The following FMNL2 variants were observed in gnomAD, a reference collection of about 807,000 sequenced individuals.
FMNL2 encodes the protein formin-like protein 2.
FMNL2 carries 51 observed loss-of-function variants against 130.2 expected under a neutral mutation model. That is an observed-to-expected ratio of 0.39 (90% CI 0.31 to 0.49). The LOEUF is 0.49. FMNL2 is among the 20% of genes least tolerant of loss of function. FMNL2 has a pLI of 0.85. For missense variants in FMNL2, 977 were observed against 1,316.2 expected (o/e 0.74, Z 3.99); for synonymous variants, 465 against 467.1 (o/e 1.00, Z 0.06).
chr2:152,509,544 G>A (rs1027313758), intron 1 of FMNL2, among the ~76,000 whole-genome samples: 27 of 151,720 alleles, frequency 1.8e-4, no homozygotes, highest in Non-Finnish European at 2.6e-4. Context: ...CAACCAATAC[G>A]GTCACATTTG....
rs1437961072 is a variant in FMNL2, at chr2:152,478,248, A to AT, written c.118-43694dup. The stretch of plus-strand genomic sequence containing the variant: ...TATATACATATATATATATATATAT[A>AT]TATTTTTTTTTTTTTTTTTTGAGAC... On this transcript the variant is annotated intron_variant, in intron 1 of 25. Transcript: ENST00000288670. 5.6e-3 allele frequency among the ~76,000 whole-genome samples: 424 copies of AT among 75,682 alleles called. 3 individuals carry two copies. Among genetic ancestry groups the AT allele is most frequent in the Non-Finnish European group, 8.7e-3 (312 of 35,668 alleles). The allele number at this position is 75,682 out of a possible 152,430, so 49.7% of individuals were successfully genotyped here.
intron 1 of FMNL2, among the ~76,000 whole-genome samples, chr2:152,359,674 T>G (rs139870547): frequency 2.2e-3 from 337 of 152,244 alleles, no homozygotes; most frequent in African/African-American, 7.8e-3. Context: ...ATTCTTAGTA[T>G]CCCTGTGTTT....
chr2:152,619,402 G>T (rs1369698020), intron 14 of FMNL2, 107 bp from the exon 15 acceptor site: 20 of 1,498,762 alleles, frequency 1.3e-5, no homozygotes, highest in Non-Finnish European at 1.7e-5. Flanking sequence ...ACAGTCCTTT[G>T]TCCTTTTAAG....
intron 1 of FMNL2, among the ~76,000 whole-genome samples, chr2:152,365,942 T>C (rs1381876125): frequency 6.6e-6 from 1 of 152,140 alleles, no homozygotes; most frequent in East Asian, 1.9e-4. Context: ...CTCCTGAGAT[T>C]CTTATGAAAA....
intron 25 of FMNL2, chr2:152,643,373 T>C: frequency 6.5e-7 from 1 of 1,535,186 alleles, no homozygotes. Flanking sequence ...ATCTTGGCTT[T>C]TTATTCTCTT....
At chr2:152,431,686 G>C (rs1687498981) in intron 1 of FMNL2, among the ~76,000 whole-genome samples, 1 of 152,076 alleles carries the variant, frequency 6.6e-6, no homozygotes, top group South Asian at 2.1e-4. Flanking sequence ...TGAAATCTGA[G>C]CCCAGTGTGA....
At chr2:152,447,671 C>T (rs1354806854) in intron 1 of FMNL2, among the ~76,000 whole-genome samples, 2 of 152,118 alleles carry the variant, frequency 1.3e-5, no homozygotes, top group Non-Finnish European at 2.9e-5. Flanking sequence ...CCTTCACCCC[C>T]TAGTGCAATC....
chr2:152,583,922 C>G (rs1696923892), intron 9 of FMNL2, among the ~76,000 whole-genome samples: 1 of 152,186 alleles, frequency 6.6e-6, no homozygotes, highest in South Asian at 2.1e-4. Context: ...TCCTAATAGC[C>G]ATGGGAATGA....
At chr2:152,335,741 G>A (rs762448833) in intron 1 of FMNL2, 21 bp downstream of exon 1, 1 of 1,545,518 alleles carries the variant, frequency 6.5e-7, no homozygotes, top group Admixed American at 1.9e-5. Flanking sequence ...GGCGGCGGTC[G>A]GGCGCGGGGA....
intron 1 of FMNL2, among the ~76,000 whole-genome samples, chr2:152,356,352 G>C (rs1682780084): frequency 1.3e-5 from 2 of 152,086 alleles, no homozygotes; most frequent in Non-Finnish European, 2.9e-5. Context: ...TCGAACTCCT[G>C]ACCTCAAGTG....
chr2:152,404,504 T>TAA (rs2105975045), intron 1 of FMNL2, among the ~76,000 whole-genome samples: 1 of 152,274 alleles, frequency 6.6e-6, no homozygotes, highest in Admixed American at 6.5e-5. Context: ...CGTAATGGGG[T>TAA]GTTTGTGTCA....
chr2:152,560,773 T>C, intron 5 of FMNL2, 110 bp from the exon 6 acceptor site: 1 of 986,866 alleles, frequency 1.0e-6, no homozygotes, highest in Non-Finnish European at 1.4e-6. Context: ...TTACAAAGAC[T>C]TTCCATACTA....
chr2:152,551,886 C>T (rs775943698), intron 4 of FMNL2, among the ~76,000 whole-genome samples: 1 of 152,132 alleles, frequency 6.6e-6, no homozygotes, highest in Admixed American at 6.6e-5. Flanking sequence ...CACAATGTCA[C>T]GTACCTGTAA....
At chr2:152,400,992 A>G in intron 1 of FMNL2, among the ~76,000 whole-genome samples, 1 of 152,250 alleles carries the variant, frequency 6.6e-6, no homozygotes, top group East Asian at 1.9e-4. Context: ...TTTGGCTGCA[A>G]GGAGTATGTG....
At chr2:152,527,894 G>A (rs1406243384) in intron 2 of FMNL2, among the ~76,000 whole-genome samples, 1 of 152,024 alleles carries the variant, frequency 6.6e-6, no homozygotes, top group Non-Finnish European at 1.5e-5. Context: ...TTTCTCCAAT[G>A]ATCCCTTTTC....
rs1698693561 is a variant in FMNL2, at chr2:152,611,714, T to C, written c.1062+109T>C. Reference sequence around the variant, plus strand: ...AAAGAATGCCTAAAGCTCTATGCAGTCAACTACTGTAGTGCTAGTTAAAGG... The same window carrying C: ...AAAGAATGCCTAAAGCTCTATGCAGCCAACTACTGTAGTGCTAGTTAAAGG... On this transcript the variant is annotated intron_variant, in intron 11 of 25. Transcript: ENST00000288670. The C allele has an allele frequency of 5.8e-6, 4 of 684,082 alleles. No homozygotes were observed. The East Asian group carries it at 1.1e-4, about 19-fold the overall frequency. 42.4% of individuals were successfully genotyped at this position (684,082 alleles called of 1,614,324 possible).
chr2:152,479,473 A>G (rs1326043155), intron 1 of FMNL2, among the ~76,000 whole-genome samples: 1 of 152,074 alleles, frequency 6.6e-6, no homozygotes, highest in Non-Finnish European at 1.5e-5. Flanking sequence ...TAAATCCTAC[A>G]TGTGCTTCAA....
At chr2:152,357,055 A>G (rs1455713376) in intron 1 of FMNL2, among the ~76,000 whole-genome samples, 1 of 144,740 alleles carries the variant, frequency 6.9e-6, no homozygotes, top group East Asian at 2.0e-4. Flanking sequence ...TATCACGATA[A>G]ATATTACATA....
At chr2:152,627,423 A>G (rs1681866129) in intron 17 of FMNL2, among the ~76,000 whole-genome samples, 1 of 152,172 alleles carries the variant, frequency 6.6e-6, no homozygotes, top group Admixed American at 6.5e-5. Context: ...TTTAGGAACT[A>G]ATTATTTATA....
Sources: gnomAD v4.1 joint callset for allele counts (sites outside exome capture counted in the v4.1 genomes callset) on GRCh38, gnomAD v4.1.1 for gene constraint, MANE v1.5 for transcripts, NCBI Gene and HGNC (gene_info 2026-07-23, HGNC 2026-07-21) for gene names.